The following CCDC39 variants were observed in gnomAD, a reference collection of about 807,000 sequenced individuals.
CCDC39 encodes coiled-coil domain-containing protein 39.
Under a neutral mutation model 121.0 loss-of-function variants are expected in CCDC39, and 113 were observed. The observed-to-expected ratio is 0.93, with a 90% CI of 0.80 to 1.09. The LOEUF (loss-of-function observed/expected upper bound fraction) is 1.09. Ranked by LOEUF, CCDC39 falls within the 50% of genes least tolerant of loss-of-function variation. CCDC39 has a pLI of 0.00. For missense variants in CCDC39, 1,063 were observed against 1,074.7 expected (o/e 0.99, Z 0.15); for synonymous variants, 349 against 352.2 (o/e 0.99, Z 0.10).
chr3:180,654,578 G>A (rs62292373), intron 7 of CCDC39, among the ~76,000 whole-genome samples, 184 bp downstream of exon 7: 1 of 148,558 alleles, frequency 6.7e-6, no homozygotes, highest in African/African-American at 2.5e-5. Context: ...TGCTTAATCA[G>A]GGGTTTAATC....
intron 1 of CCDC39, among the ~76,000 whole-genome samples, chr3:180,665,262 T>C (rs971042664): frequency 1.3e-5 from 2 of 152,162 alleles, no homozygotes; most frequent in African/African-American, 4.8e-5. Flanking sequence ...ACTGTGTAAA[T>C]GTTAAACAAA....
chr3:180,677,172 AT>A (rs1712251669), intron 1 of CCDC39, among the ~76,000 whole-genome samples: 1 of 35,238 alleles, frequency 2.8e-5, no homozygotes, highest in African/African-American at 1.4e-4. Flanking sequence ...ATAATTTTAT[AT>A]ATATATATAT....
chr3:180,624,819 C>T (rs529931263), intron 14 of CCDC39, among the ~76,000 whole-genome samples: 22 of 152,014 alleles, frequency 1.4e-4, no homozygotes, highest in African/African-American at 5.1e-4. Context: ...TTTTGTTTTC[C>T]TTTTAGTGCT....
At position 180,639,637 on chromosome 3, in the gene CCDC39, G is replaced by C. The variant is rs532044587; in HGVS notation, c.1874+2356C>G. Among the ~76,000 whole-genome samples the C allele has an allele frequency of 1.5e-4, 23 of 152,116 alleles. 1 individual carries two copies. The East Asian group carries it at 4.3e-3, about 28-fold the overall frequency. On this transcript the variant is annotated intron_variant, in intron 13 of 19. Transcript: ENST00000476379. ...TTTGGGGACTTGTGGGGGGTGGAGT[G>C]TGAGAGGGACCTGAGGGATAAAGGA...
intron 14 of CCDC39, among the ~76,000 whole-genome samples, chr3:180,626,153 T>C (rs1289004677): frequency 1.3e-5 from 2 of 152,084 alleles, no homozygotes; most frequent in African/African-American, 4.8e-5. Flanking sequence ...TCTGGCCTGT[T>C]GGTAGTGCAT....
intron 12 of CCDC39, among the ~76,000 whole-genome samples, chr3:180,643,258 C>A (rs1195423625): frequency 7.3e-5 from 11 of 151,510 alleles, no homozygotes; most frequent in Non-Finnish European, 1.2e-4. Flanking sequence ...CGTGCCCGGC[C>A]GACAGAGACA....
intron 14 of CCDC39, among the ~76,000 whole-genome samples, chr3:180,623,082 TTATTATTA>T: frequency 2.8e-5 from 2 of 70,544 alleles, no homozygotes; most frequent in African/African-American, 7.7e-5. Flanking sequence ...GAGATTTTTA[TTATTATTA>T]TTATTATTAT....
intron 14 of CCDC39, among the ~76,000 whole-genome samples, chr3:180,629,177 CTT>C (rs1195814305): frequency 2.0e-5 from 3 of 152,110 alleles, no homozygotes; most frequent in African/African-American, 7.2e-5. Context: ...GATATTTAGA[CTT>C]ATTTCAAAGA....
intron 1 of CCDC39, among the ~76,000 whole-genome samples, chr3:180,678,352 G>T (rs1225177337): frequency 6.6e-6 from 1 of 152,050 alleles, no homozygotes; most frequent in African/African-American, 2.4e-5. Flanking sequence ...AGAGTAACAG[G>T]ATTTTCATTT....
chr3:180,631,505 T>C lies in CCDC39; in HGVS notation c.1962A>G (p.Gly654=). The change falls in exon 14 of 20, where the codon GGA becomes GGG. Residue 654 remains glycine (G), a synonymous_variant. Transcript: ENST00000476379. The part of the protein sequence containing the change: ...ILTVVMLPPE[G]EEEKTQAYYV... ...AATAGGCCTGTGTTTTCTCCTCTTC[T>C]CCTTCAGGAGGCAGCATAACAACAG... The C allele has an allele frequency of 6.2e-7, 1 of 1,607,926 alleles. No homozygotes were observed. The highest frequency in any genetic ancestry group is 8.5e-7 in the Non-Finnish European group (1 of 1,178,938).
At chr3:180,623,988 A>AT (rs1043183135) in intron 14 of CCDC39, among the ~76,000 whole-genome samples, 5 of 151,590 alleles carry the variant, frequency 3.3e-5, no homozygotes, top group Admixed American at 3.3e-4. Context: ...TTCTTTGTTG[A>AT]TTTTCTGTCT....
chr3:180,619,819 G>A lies in CCDC39; in HGVS notation c.2150C>T (p.Thr717Ile). The A allele has an allele frequency of 1.3e-6, 2 of 1,585,616 alleles. No homozygotes were observed. Among genetic ancestry groups the A allele is most frequent in the Non-Finnish European group, 8.6e-7 (1 of 1,164,694 alleles). The change falls in exon 15 of 20, where the codon ACT becomes ATT. Residue 717 changes from threonine (T) to isoleucine (I), a missense_variant. Coordinates refer to ENST00000476379, the MANE Select transcript of CCDC39 (RefSeq NM_181426.2). ...AGTTAACTCCTACATACTAGATGGA[G>A]TCACTTTTTTAAAAGATTGCTTATA... ...NNYKQSFKKVTPSSDEYELKI... is the reference protein window; with the variant it reads ...NNYKQSFKKVIPSSDEYELKI...
chr3:180,651,337 G>A lies in CCDC39; in HGVS notation c.1167+64C>T. On this transcript the variant is annotated intron_variant, in intron 9 of 19. Coordinates refer to ENST00000476379, the MANE Select transcript of CCDC39 (RefSeq NM_181426.2). ...ACCTCCTCGTCCTCTGATCCTAGGA[G>A]TCTAATTAATTCACTGTTGCTAAAT... The A allele has an allele frequency of 5.3e-6, 7 of 1,324,848 alleles. No individual in the cohort carries two copies. The South Asian group carries it at 5.3e-5, about 10-fold the overall frequency. 82.1% of individuals were successfully genotyped at this position (1,324,848 alleles called of 1,614,324 possible). A position where few individuals can be genotyped will look rare whatever the true frequency, so the allele number is the denominator to read the frequency against.
intron 14 of CCDC39, among the ~76,000 whole-genome samples, chr3:180,625,057 G>C (rs750223876): frequency 5.9e-5 from 9 of 151,768 alleles, no homozygotes; most frequent in South Asian, 2.1e-4. Context: ...CTTGTGTCTC[G>C]GCGTCTAACT....
chr3:180,661,783 A>C, intron 3 of CCDC39, 78 bp downstream of exon 3: 1 of 1,350,284 alleles, frequency 7.4e-7, no homozygotes, highest in South Asian at 1.4e-5. Context: ...CCATACAAGA[A>C]AAAAAAAAGT....
At chr3:180,651,311 G>C in intron 9 of CCDC39, 90 bp downstream of exon 9, 1 of 1,054,876 alleles carries the variant, frequency 9.5e-7, no homozygotes, top group African/African-American at 1.6e-5. Flanking sequence ...CTTCTTACAA[G>C]ACCTCCTCGT....
intron 1 of CCDC39, among the ~76,000 whole-genome samples, chr3:180,675,110 T>C (rs1430954464): frequency 6.6e-6 from 1 of 152,188 alleles, no homozygotes; most frequent in Non-Finnish European, 1.5e-5. Flanking sequence ...CATCTGGTCC[T>C]GGACTTTTTT....
intron 14 of CCDC39, among the ~76,000 whole-genome samples, chr3:180,629,621 GTTA>G (rs1241794609): frequency 2.7e-4 from 41 of 152,230 alleles, no homozygotes; most frequent in Non-Finnish European, 1.2e-4. Context: ...ACTGAGTTTA[GTTA>G]TTATTTAAGT....
At chr3:180,655,500 T>G (rs1711558617) in intron 6 of CCDC39, among the ~76,000 whole-genome samples, 1 of 151,504 alleles carries the variant, frequency 6.6e-6, no homozygotes, top group South Asian at 2.1e-4. Context: ...AGAGGAGTCA[T>G]TAGTCGACAT....
Sources: gnomAD v4.1 joint callset for allele counts (sites outside exome capture counted in the v4.1 genomes callset) on GRCh38, gnomAD v4.1.1 for gene constraint, MANE v1.5 for transcripts, NCBI Gene and HGNC (gene_info 2026-07-23, HGNC 2026-07-21) for gene names.